FBXL2: variants seen among roughly 807,000 people sequenced by gnomAD.
FBXL2 encodes F-box and leucine rich repeat protein 2, also known as F-box/LRR-repeat protein 2.
FBXL2 carries 38 observed loss-of-function variants against 69.2 expected under a neutral mutation model. That is an observed-to-expected ratio of 0.55 (90% CI 0.42 to 0.72). The LOEUF (loss-of-function observed/expected upper bound fraction) is 0.72. FBXL2 is among the 30% of genes least tolerant of loss of function. The probability of loss-of-function intolerance (pLI) is 0.00; values close to 1 mark genes in which losing one functional copy is unlikely to be tolerated. For synonymous variants in FBXL2, 192 were observed against 201.3 expected, an observed-to-expected ratio of 0.95 and a Z score of 0.39; for missense variants, 354 against 520.3, an observed-to-expected ratio of 0.68 and a Z score of 3.11.
At chr3:33,361,544 A>G (rs2041631397) in intron 4 of FBXL2, among the ~76,000 whole-genome samples, 1 of 152,092 alleles carries the variant, frequency 6.6e-6, no homozygotes, top group Non-Finnish European at 1.5e-5. Context: ...AAAAAGTACT[A>G]CTATTTCAAG....
the FBXL2 span, among the ~76,000 whole-genome samples, chr3:33,421,157 A>G: frequency 2.6e-5 from 4 of 152,204 alleles, no homozygotes; most frequent in Admixed American, 6.5e-5. Flanking sequence ...CCCAAAGGGA[A>G]AGCCAGCTAT....
chr3:33,280,413 C>G (rs569355555), intron 1 of FBXL2, among the ~76,000 whole-genome samples: 1 of 152,034 alleles, frequency 6.6e-6, no homozygotes, highest in African/African-American at 2.4e-5. Context: ...ACAATTGTTA[C>G]GAAAAGACTT....
chr3:33,376,992 G>A (rs1342812767), intron 10 of FBXL2, among the ~76,000 whole-genome samples: 3 of 152,100 alleles, frequency 2.0e-5, no homozygotes, highest in Non-Finnish European at 1.5e-5. Flanking sequence ...AGTATGAGAC[G>A]CTGTTTGCAA....
chr3:33,395,430 T>A (rs566513841), intron 12 of FBXL2, among the ~76,000 whole-genome samples: 18 of 152,152 alleles, frequency 1.2e-4, no homozygotes, highest in African/African-American at 4.3e-4. Context: ...TGAGAAAATA[T>A]ATGCCTTTTA....
intron 12 of FBXL2, among the ~76,000 whole-genome samples, chr3:33,394,401 TAAAAGC>T (rs1201935570): frequency 4.6e-5 from 7 of 151,996 alleles, no homozygotes; most frequent in Non-Finnish European, 1.0e-4. Flanking sequence ...TCCTAAGGAA[TAAAAGC>T]TATCTGTATA....
At chr3:33,390,299 G>A (rs1411438406), downstream of FBXL2, 1 of 1,596,650 alleles carries the variant, frequency 6.3e-7, no homozygotes, top group South Asian at 1.1e-5. Context: ...GTGACTATTT[G>A]GTACTGAATA....
chr3:33,336,577 A>G (rs750799528), intron 2 of FBXL2, among the ~76,000 whole-genome samples: 13 of 152,246 alleles, frequency 8.5e-5, no homozygotes, highest in Non-Finnish European at 1.5e-4. Flanking sequence ...ATTTAAAATA[A>G]TTGATAAATT....
chr3:33,341,612 C>G (rs1001050005), intron 2 of FBXL2, among the ~76,000 whole-genome samples: 4 of 151,762 alleles, frequency 2.6e-5, no homozygotes, highest in Non-Finnish European at 5.9e-5. Context: ...GGCAGATCAC[C>G]TGAGGTCAGG....
chr3:33,336,477 CAG>C (rs1210155915), intron 2 of FBXL2, among the ~76,000 whole-genome samples: 1 of 152,072 alleles, frequency 6.6e-6, no homozygotes, highest in East Asian at 1.9e-4. Flanking sequence ...AAAGGTAAAA[CAG>C]ATTCTAGAAG....
chr3:33,277,350 A>G, upstream of FBXL2: 1 of 667,334 alleles, frequency 1.5e-6, no homozygotes, highest in Non-Finnish European at 2.1e-6. Flanking sequence ...TGGGCGGTCC[A>G]AAGGGCACCG....
intron 5 of FBXL2, among the ~76,000 whole-genome samples, chr3:33,365,334 C>G (rs977654963): frequency 6.0e-5 from 9 of 150,122 alleles, no homozygotes. Flanking sequence ...GGCTGGAGTG[C>G]AACGGCACAA....
the FBXL2 span, among the ~76,000 whole-genome samples, chr3:33,412,463 A>G: frequency 1.3e-5 from 2 of 151,836 alleles, no homozygotes. Flanking sequence ...CGCACCTGCA[A>G]TCCTAGCTAC....
At chr3:33,319,008 A>G (rs1233886415) in intron 2 of FBXL2, among the ~76,000 whole-genome samples, 1 of 152,216 alleles carries the variant, frequency 6.6e-6, no homozygotes, top group Admixed American at 6.5e-5. Context: ...AGTTTCTAAC[A>G]CGAACTTCAT....
chr3:33,378,974 G>A, intron 13 of FBXL2: 2 of 737,138 alleles, frequency 2.7e-6, no homozygotes, highest in East Asian at 2.9e-5. Context: ...AGATGGTTTT[G>A]TTGGGGAACT....
At chr3:33,322,370 G>A (rs1182719028) in intron 2 of FBXL2, among the ~76,000 whole-genome samples, 3 of 152,152 alleles carry the variant, frequency 2.0e-5, no homozygotes, top group African/African-American at 2.4e-5. Flanking sequence ...GAGCTACGGC[G>A]CCTGGCCAAC....
At chr3:33,354,474 C>T (rs1437385145) in intron 2 of FBXL2, among the ~76,000 whole-genome samples, 1 of 151,278 alleles carries the variant, frequency 6.6e-6, no homozygotes, top group African/African-American at 2.4e-5. Context: ...GATCACGCCA[C>T]TACACTCCAG....
intron 2 of FBXL2, among the ~76,000 whole-genome samples, chr3:33,322,792 G>C (rs1401487433): frequency 1.3e-5 from 2 of 152,074 alleles, no homozygotes; most frequent in Non-Finnish European, 2.9e-5. Context: ...TTTATTATAA[G>C]GTGTCATATA....
At chr3:33,407,108 T>C (rs2044447641), downstream of FBXL2, among the ~76,000 whole-genome samples, 1 of 152,182 alleles carries the variant, frequency 6.6e-6, no homozygotes, top group Non-Finnish European at 1.5e-5. Context: ...ATCTGTACCC[T>C]GCATTTTTAA....
At chr3:33,403,510 A>ATCTG (rs869027625) in exon 13 of FBXL2, 1 of 21,174 alleles carries the variant, frequency 4.7e-5, no homozygotes, top group African/African-American at 7.5e-5. Context: ...CTATCTATCT[A>ATCTG]TCTGTCTGTC....
Sources: gnomAD v4.1 joint callset for allele counts (sites outside exome capture counted in the v4.1 genomes callset) on GRCh38, gnomAD v4.1.1 for gene constraint, MANE v1.5 for transcripts, NCBI Gene and HGNC (gene_info 2026-07-23, HGNC 2026-07-21) for gene names.